Variants in PLD1 observed in about 807,000 individuals in gnomAD.
PLD1 encodes the protein phospholipase D1.
Under a neutral mutation model 137.1 loss-of-function variants are expected in PLD1, and 112 were observed. The ratio of observed to expected loss-of-function variants is 0.82; its 90% CI spans 0.70 to 0.96. The LOEUF is 0.96. Ranked by LOEUF, PLD1 falls within the 40% of genes least tolerant of loss-of-function variation. PLD1 has a pLI of 0.00. For synonymous variants in PLD1, 431 were observed against 454.7 expected (o/e 0.95, Z 0.66); for missense variants, 1,321 against 1,342.0 (o/e 0.98, Z 0.24).
At chr3:171,645,701 G>A (rs565910356) in intron 21 of PLD1, among the ~76,000 whole-genome samples, 9 of 151,938 alleles carry the variant, frequency 5.9e-5, no homozygotes, top group Admixed American at 2.6e-4. Context: ...TGGCTAACAC[G>A]GTGAAACCCC....
At chr3:171,745,403 T>C (rs1304582524) in intron 1 of PLD1, among the ~76,000 whole-genome samples, 1 of 152,108 alleles carries the variant, frequency 6.6e-6, no homozygotes, top group Non-Finnish European at 1.5e-5. Context: ...ATGGGCTGGG[T>C]CCATCTGCAT....
At chr3:171,628,998 G>C (rs1336528882) in intron 23 of PLD1, among the ~76,000 whole-genome samples, 285 of 147,156 alleles carry the variant, frequency 1.9e-3, no homozygotes, top group Non-Finnish European at 3.6e-3. Flanking sequence ...CATAGTGTTG[G>C]AAGTTCTGGC....
At position 171,688,863 on chromosome 3, in the gene PLD1, G is replaced by A. The variant is rs141086000; in HGVS notation, c.1352C>T (p.Pro451Leu). 210 of 1,612,786 alleles carry A rather than the reference G, an allele frequency of 1.3e-4. No homozygotes were observed. The highest frequency in any genetic ancestry group is 1.7e-4 in the Non-Finnish European group (196 of 1,179,018). Residue 451 changes from proline (P) to leucine (L), a missense_variant, in exon 14 of 27, where the codon CCG becomes CTG. Pro to Leu is a moderately conservative substitution (Grantham distance 98). Transcript: ENST00000351298. Reference protein sequence around the residue: ...LHPNIKVMRHPDHVSSTVYLW... With the variant: ...LHPNIKVMRHLDHVSSTVYLW... ...ATAGACGGTGGATGACACATGATCC[G>A]GGTGTCTCATCACCTTGAGAGGGAA...
chr3:171,720,731 T>A (rs1339969090), intron 8 of PLD1, among the ~76,000 whole-genome samples: 1 of 152,236 alleles, frequency 6.6e-6, no homozygotes, highest in Non-Finnish European at 1.5e-5. Flanking sequence ...ACAGAATGAT[T>A]TACACAATTT....
intron 8 of PLD1, among the ~76,000 whole-genome samples, chr3:171,717,096 A>G (rs571584880): frequency 6.6e-6 from 1 of 152,210 alleles, no homozygotes; most frequent in Admixed American, 6.5e-5. Flanking sequence ...ACTGTACTGT[A>G]TTGGTTACTG....
rs1182393301 is a variant in PLD1 at position 171,602,734 on chromosome 3, A to G, written c.*344T>C. On this transcript the variant is annotated 3_prime_UTR_variant, in exon 27 of 27. Coordinates refer to ENST00000351298, the MANE Select transcript of PLD1 (RefSeq NM_002662.5). ...ATCAGAGAAGAATAAGGAGATTCAG[A>G]CAACTTTTGGCAACCTAGATCACAG... 3.7e-6 allele frequency: 1 copy of G among 267,650 alleles called. No individual in the cohort carries two copies. Among genetic ancestry groups the G allele is most frequent in the Non-Finnish European group, 7.2e-6 (1 of 139,594 alleles). 16.6% of individuals were successfully genotyped at this position (267,650 alleles called of 1,614,324 possible). A position where few individuals can be genotyped will look rare whatever the true frequency, so the allele number is the denominator to read the frequency against.
chr3:171,658,433 C>T (rs1032501335), intron 21 of PLD1, among the ~76,000 whole-genome samples: 2 of 152,008 alleles, frequency 1.3e-5, no homozygotes, highest in Non-Finnish European at 2.9e-5. Flanking sequence ...TGGATAAATA[C>T]AATGTGGTAT....
At chr3:171,800,376 T>C (rs1157916357) in intron 1 of PLD1, among the ~76,000 whole-genome samples, 1 of 152,100 alleles carries the variant, frequency 6.6e-6, no homozygotes, top group Non-Finnish European at 1.5e-5. Context: ...ACCTGGCTAA[T>C]TGTTGTATTT....
At chr3:171,680,859 A>G (rs1239889292) in intron 16 of PLD1, among the ~76,000 whole-genome samples, 1 of 152,126 alleles carries the variant, frequency 6.6e-6, no homozygotes, top group African/African-American at 2.4e-5. Flanking sequence ...TGCTTTTGGA[A>G]AAAGTTTCTC....
At chr3:171,635,763 AGCTTTCAT>A (rs1392957825) in intron 23 of PLD1, among the ~76,000 whole-genome samples, 1 of 152,012 alleles carries the variant, frequency 6.6e-6, no homozygotes, top group Non-Finnish European at 1.5e-5. Context: ...AAGGCTTTCA[AGCTTTCAT>A]GTTTGATGAA....
chr3:171,796,357 T>C (rs1212545928), intron 1 of PLD1, among the ~76,000 whole-genome samples: 1 of 152,218 alleles, frequency 6.6e-6, no homozygotes, highest in African/African-American at 2.4e-5. Flanking sequence ...AAGGTTGATA[T>C]TCATAGTTTA....
chr3:171,643,063 G>C (rs1735902545), intron 22 of PLD1, 174 bp from the exon 23 acceptor site: 1 of 514,266 alleles, frequency 1.9e-6, no homozygotes, highest in East Asian at 3.6e-5. Context: ...CTTTTGTAAT[G>C]CTACTAATAG....
intron 1 of PLD1, among the ~76,000 whole-genome samples, chr3:171,807,996 T>C (rs746056449): frequency 6.6e-6 from 1 of 152,194 alleles, no homozygotes; most frequent in Non-Finnish European, 1.5e-5. Context: ...CATTGCATGT[T>C]TTCACTAATA....
At chr3:171,787,905 C>A (rs563779162) in intron 1 of PLD1, among the ~76,000 whole-genome samples, 124 of 151,732 alleles carry the variant, frequency 8.2e-4, no homozygotes, top group African/African-American at 2.9e-3. Context: ...TGATTGTCAG[C>A]CTCAAGAAAA....
At chr3:171,769,884 A>G (rs1722219526) in intron 1 of PLD1, among the ~76,000 whole-genome samples, 1 of 152,242 alleles carries the variant, frequency 6.6e-6, no homozygotes, top group Admixed American at 6.5e-5. Flanking sequence ...TAACAGAAGC[A>G]TATTAGCATA....
intron 1 of PLD1, among the ~76,000 whole-genome samples, chr3:171,739,389 C>G (rs1458870253): frequency 6.6e-6 from 1 of 152,130 alleles, no homozygotes; most frequent in African/African-American, 2.4e-5. Flanking sequence ...GAGGGAGGTT[C>G]TGGTTTGGCC....
chr3:171,609,798 C>T (rs545488312), intron 25 of PLD1, among the ~76,000 whole-genome samples: 1 of 152,132 alleles, frequency 6.6e-6, no homozygotes, highest in South Asian at 2.1e-4. Flanking sequence ...CTAATGGGTA[C>T]AATGTACACT....
intron 1 of PLD1, among the ~76,000 whole-genome samples, chr3:171,766,687 T>C (rs1191943932): frequency 6.6e-6 from 1 of 152,210 alleles, no homozygotes; most frequent in Non-Finnish European, 1.5e-5. Flanking sequence ...ATTTTTATAC[T>C]TAAAGCGTCT....
intron 24 of PLD1, among the ~76,000 whole-genome samples, chr3:171,614,406 C>A (rs1464142422): frequency 1.3e-5 from 2 of 152,160 alleles, no homozygotes; most frequent in Non-Finnish European, 2.9e-5. Context: ...TTAATATAAT[C>A]TTTCATAAAT....
Sources: allele counts gnomAD v4.1 joint callset (sites outside exome capture counted in the v4.1 genomes callset), GRCh38; gene constraint gnomAD v4.1.1; transcripts MANE v1.5; gene names NCBI Gene and HGNC (gene_info 2026-07-23, HGNC 2026-07-21).